Variants in SH3RF3 observed in about 807,000 individuals in gnomAD.
The protein encoded by SH3RF3 is E3 ubiquitin-protein ligase SH3RF3.
Under a neutral mutation model 66.3 loss-of-function variants are expected in SH3RF3, and 29 were observed. The observed-to-expected ratio is 0.44, with a 90% CI of 0.33 to 0.60. The LOEUF is 0.60. SH3RF3 is among the 20% of genes least tolerant of loss of function. SH3RF3 has a pLI of 0.04. For missense variants in SH3RF3, 1,194 were observed against 1,190.9 expected, an observed-to-expected ratio of 1.00 and a Z score of -0.04; for synonymous variants, 583 against 532.0, an observed-to-expected ratio of 1.10 and a Z score of -1.32.
intron 8 of SH3RF3, among the ~76,000 whole-genome samples, chr2:109,471,681 G>A (rs1231570596): frequency 2.6e-5 from 4 of 152,292 alleles, no homozygotes; most frequent in Admixed American, 6.5e-5. Flanking sequence ...ATGCTGGGGC[G>A]GGGTCTAAGT....
At chr2:109,202,560 G>A (rs1014162004) in intron 1 of SH3RF3, among the ~76,000 whole-genome samples, 2 of 152,240 alleles carry the variant, frequency 1.3e-5, no homozygotes, top group South Asian at 2.1e-4. Flanking sequence ...CCTCCCAGCA[G>A]TCAGCAGTGA....
chr2:109,223,164 G>T (rs1317181673), intron 1 of SH3RF3, among the ~76,000 whole-genome samples: 2 of 152,256 alleles, frequency 1.3e-5, no homozygotes, highest in Non-Finnish European at 2.9e-5. Flanking sequence ...CCTGAAACCA[G>T]CATGGGTGCT....
At chr2:109,382,157 T>C (rs1278751698) in intron 3 of SH3RF3, among the ~76,000 whole-genome samples, 2 of 152,204 alleles carry the variant, frequency 1.3e-5, no homozygotes, top group Non-Finnish European at 2.9e-5. Context: ...ATAGCACCTA[T>C]TGTTAGGGAG....
rs111680544 is a variant in SH3RF3, at chr2:109,444,367, A to T, written c.1829-4803A>T. On this transcript the variant is annotated intron_variant, in intron 7 of 9. Transcript: ENST00000309415. ...TATAAAATGGAACACACAATAGCCA[A>T]GTGCTGAAGCACTGGCCTACTGGCT... 3.4e-3 allele frequency among the ~76,000 whole-genome samples: 511 copies of T among 152,358 alleles called. 5 individuals are homozygous for T. The highest frequency in any genetic ancestry group is 0.012 in the African/African-American group (492 of 41,584).
intron 1 of SH3RF3, among the ~76,000 whole-genome samples, chr2:109,259,361 C>G (rs991963336): frequency 6.6e-6 from 1 of 152,124 alleles, no homozygotes; most frequent in Middle Eastern, 3.2e-3. Context: ...CATCCAGAGC[C>G]GGAGGCATCC....
intron 1 of SH3RF3, among the ~76,000 whole-genome samples, chr2:109,177,549 T>TG (rs149915442): frequency 0.016 from 2,328 of 150,118 alleles, 30 homozygotes; most frequent in East Asian, 0.041. Context: ...TCACCTGCTC[T>TG]GGGGGGGGGC....
chr2:109,170,311 TCTCTC>T lies in SH3RF3; in HGVS notation c.573+40204_573+40208del, dbSNP rs796233917. On this transcript the variant is annotated intron_variant, in intron 1 of 9. Coordinates refer to ENST00000309415, the MANE Select transcript of SH3RF3 (RefSeq NM_001099289.3). ...TCTCTTCTCTTCTCTTCTCTTCTCT[TCTCTC>T]CTCTCTCTCTCTCCTCTCTCTCTCT... Among the ~76,000 whole-genome samples the T allele has an allele frequency of 2.3e-5, 3 of 128,524 alleles. 1 individual carries two copies. In the East Asian group the frequency reaches 9.3e-4, roughly 40 times the overall value. The allele number at this position is 128,524 out of a possible 152,430, so 84.3% of individuals were successfully genotyped here. A position where few individuals can be genotyped will look rare whatever the true frequency, so the allele number is the denominator to read the frequency against.
intron 1 of SH3RF3, among the ~76,000 whole-genome samples, chr2:109,310,435 GA>G: frequency 4.7e-5 from 1 of 21,350 alleles, no homozygotes; most frequent in Non-Finnish European, 6.7e-5. Flanking sequence ...AAAAGAACTA[GA>G]AAAGCAAGAG....
chr2:109,327,473 A>G (rs1369800817), intron 1 of SH3RF3, among the ~76,000 whole-genome samples: 3 of 151,306 alleles, frequency 2.0e-5, no homozygotes, highest in Non-Finnish European at 4.4e-5. Flanking sequence ...TCTTCCACAT[A>G]CATTTTAAAT....
At chr2:109,161,969 T>C (rs4676250) in intron 1 of SH3RF3, among the ~76,000 whole-genome samples, 115,089 of 151,898 alleles carry the variant, frequency 0.76, 44,534 homozygotes, top group South Asian at 0.86. Flanking sequence ...ATCTTATATG[T>C]CGCAGGTGTC....
chr2:109,291,677 T>C (rs555825491), intron 1 of SH3RF3, among the ~76,000 whole-genome samples: 2 of 152,316 alleles, frequency 1.3e-5, no homozygotes, highest in East Asian at 1.9e-4. Flanking sequence ...TGTGAGATCC[T>C]CTGGCCTTAA....
chr2:109,168,943 C>T (rs530702078), intron 1 of SH3RF3, among the ~76,000 whole-genome samples: 43 of 152,266 alleles, frequency 2.8e-4, no homozygotes, highest in African/African-American at 1.0e-3. Flanking sequence ...ATCATCTTCT[C>T]GAGGGCTCAG....
At chr2:109,477,613 GGTGT>G (rs71383845) in intron 8 of SH3RF3, among the ~76,000 whole-genome samples, 72,459 of 149,316 alleles carry the variant, frequency 0.49, 18,361 homozygotes, top group Non-Finnish European at 0.56. Flanking sequence ...GCCACAGATG[GGTGT>G]GTGTGTGTGT....
At chr2:109,199,627 T>TCAACCC (rs1574499886) in intron 1 of SH3RF3, among the ~76,000 whole-genome samples, 1 of 94 alleles carries the variant, frequency 0.011, no homozygotes, top group African/African-American at 0.036. Context: ...TGGAATGGAA[T>TCAACCC]GGAATGGAAT....
intron 1 of SH3RF3, among the ~76,000 whole-genome samples, chr2:109,330,597 C>T (rs1682261346): frequency 6.6e-6 from 1 of 152,028 alleles, no homozygotes; most frequent in East Asian, 1.9e-4. Flanking sequence ...TGGATGGATG[C>T]ATGGTGGGTC....
chr2:109,133,127 G>T (rs1558917586), intron 1 of SH3RF3, among the ~76,000 whole-genome samples: 2 of 152,222 alleles, frequency 1.3e-5, no homozygotes, highest in Non-Finnish European at 2.9e-5. Context: ...CCAGCTCTCA[G>T]AAGGTACCCG....
At chr2:109,410,517 C>A (rs928481020) in intron 4 of SH3RF3, among the ~76,000 whole-genome samples, 4 of 152,242 alleles carry the variant, frequency 2.6e-5, no homozygotes, top group African/African-American at 9.6e-5. Flanking sequence ...CCTCTCCTAC[C>A]TGTAGCCCTG....
chr2:109,280,666 G>A (rs1038277206), intron 1 of SH3RF3, among the ~76,000 whole-genome samples: 1 of 152,222 alleles, frequency 6.6e-6, no homozygotes, highest in Non-Finnish European at 1.5e-5. Flanking sequence ...GAGCATTCGG[G>A]TAATGTAAAC....
intron 9 of SH3RF3, among the ~76,000 whole-genome samples, chr2:109,497,467 A>G (rs577727158): frequency 1.8e-4 from 27 of 152,314 alleles, no homozygotes; most frequent in African/African-American, 6.5e-4. Flanking sequence ...GATTTTGCCC[A>G]TTTGGATTCC....
Sources: gnomAD v4.1 joint callset for allele counts (sites outside exome capture counted in the v4.1 genomes callset) on GRCh38, gnomAD v4.1.1 for gene constraint, MANE v1.5 for transcripts, NCBI Gene and HGNC (gene_info 2026-07-23, HGNC 2026-07-21) for gene names.